Variants in RGPD8 observed in about 807,000 individuals in gnomAD.
The protein encoded by RGPD8 is RANBP2-like and GRIP domain-containing protein 8.
Under a neutral mutation model 89.1 loss-of-function variants are expected in RGPD8, and 15 were observed. The ratio of observed to expected loss-of-function variants is 0.17; its 90% CI spans 0.11 to 0.26. The LOEUF is 0.26. Ranked by LOEUF, RGPD8 falls within the 10% of genes least tolerant of loss-of-function variation. The probability of loss-of-function intolerance (pLI) is 1.00; values close to 1 mark genes in which losing one functional copy is unlikely to be tolerated. For synonymous variants in RGPD8, 62 were observed against 420.9 expected, an observed-to-expected ratio of 0.15 and a Z score of 10.44; for missense variants, 178 against 1,179.6, an observed-to-expected ratio of 0.15 and a Z score of 12.44.
At chr2:112,424,649 G>A (rs1219006276) in intron 1 of RGPD8, among the ~76,000 whole-genome samples, 2 of 151,826 alleles carry the variant, frequency 1.3e-5, no homozygotes, top group Non-Finnish European at 2.9e-5. Context: ...AACCCAGGAG[G>A]TGGAGGTTGC....
chr2:112,402,495 C>CAAGAAAAAAGAAAAGAAAAGAAAAGAA (rs1553503523), intron 9 of RGPD8, among the ~76,000 whole-genome samples: 1 of 147,012 alleles, frequency 6.8e-6, no homozygotes. Flanking sequence ...GTCTCAAAAA[C>CAAGAAAAAAGAAAAGAAAAGAAAAGAA]AAGAAAAGAA....
At chr2:112,428,808 A>G (rs1424372685) in intron 1 of RGPD8, among the ~76,000 whole-genome samples, 1 of 152,124 alleles carries the variant, frequency 6.6e-6, no homozygotes, top group African/African-American at 2.4e-5. Flanking sequence ...AAGTAGTAAC[A>G]CAACATACAA....
At chr2:112,409,587 A>G (rs1404059745) in intron 7 of RGPD8, among the ~76,000 whole-genome samples, 13 of 147,644 alleles carry the variant, frequency 8.8e-5, no homozygotes, top group Admixed American at 4.0e-4. Context: ...ACTTGAAGCC[A>G]GGAGTTCAAG....
At chr2:112,432,890 C>A (rs1300674381) in intron 1 of RGPD8, among the ~76,000 whole-genome samples, 1 of 151,636 alleles carries the variant, frequency 6.6e-6, no homozygotes, top group East Asian at 1.9e-4. Flanking sequence ...CGGCCTCCGC[C>A]TCAACAGAGC....
intron 9 of RGPD8, among the ~76,000 whole-genome samples, chr2:112,402,334 CG>C (rs1380241425): frequency 1.6e-5 from 2 of 125,170 alleles, no homozygotes; most frequent in Admixed American, 1.7e-4. Flanking sequence ...GGTGAAACTC[CG>C]TCTCTACTAA....
At chr2:112,426,247 T>C (rs969270598) in intron 1 of RGPD8, among the ~76,000 whole-genome samples, 3 of 152,220 alleles carry the variant, frequency 2.0e-5, no homozygotes, top group Non-Finnish European at 2.9e-5. Flanking sequence ...TAAAGGTCAC[T>C]TGAACACAAG....
intron 19 of RGPD8, among the ~76,000 whole-genome samples, chr2:112,390,560 A>C (rs1678658890): frequency 7.0e-6 from 1 of 143,398 alleles, no homozygotes; most frequent in South Asian, 2.3e-4. Context: ...TAAGCAGAAG[A>C]GCAAGGGTCT....
At chr2:112,425,864 A>C (rs1477731774) in intron 1 of RGPD8, among the ~76,000 whole-genome samples, 1 of 152,132 alleles carries the variant, frequency 6.6e-6, no homozygotes, top group African/African-American at 2.4e-5. Context: ...GACCCCAGTG[A>C]ATGTCCAAAA....
rs766531431 is a variant in RGPD8 at position 112,417,208 on chromosome 2, C to T, written c.767G>A (p.Arg256Lys). Residue 256 changes from arginine to lysine, a missense_variant, in exon 6 of 23, where the codon AGA becomes AAA. Transcript: ENST00000302558. ...TLSTRDVQEN[R>K]ELLESFDSAL... ...GTCTACGCACCTTTCCAGTAATTCT[C>T]TATTTTCCTGCACATCTCTAGTGGA... 1.2e-6 allele frequency: 2 copies of T among 1,609,734 alleles called. No individual in the cohort carries two copies. The highest frequency in any genetic ancestry group is 3.3e-5 in the Admixed American group (2 of 59,988).
chr2:112,390,353 AATGATGATG>A lies in RGPD8; in HGVS notation c.2698-115_2698-107del. 1.4e-5 allele frequency: 10 copies of A among 731,218 alleles called. 1 individual carries two copies. In the South Asian group the frequency reaches 1.9e-4, roughly 14 times the overall value. The allele number at this position is 731,218 out of a possible 1,614,324, so 45.3% of individuals were successfully genotyped here. A position where few individuals can be genotyped will look rare whatever the true frequency, so the allele number is the denominator to read the frequency against. On this transcript the variant is annotated intron_variant, in intron 19 of 22. Coordinates refer to ENST00000302558, the MANE Select transcript of RGPD8 (RefSeq NM_001164463.1). ...CAATTTATCAAATGATGTTAACAATAATGATGATGATGATGATGATAACATTTATTGAGC... is the reference window on the plus strand; with the variant it reads ...CAATTTATCAAATGATGTTAACAATAATGATGATGATAACATTTATTGAGC...
At chr2:112,390,465 T>C (rs551703532) in intron 19 of RGPD8, among the ~76,000 whole-genome samples, 14 of 140,194 alleles carry the variant, frequency 1.0e-4, no homozygotes, top group East Asian at 9.8e-4. Context: ...AAAAACCCTA[T>C]GAATTAAGGT....
At position 112,433,151 on chromosome 2, in the gene RGPD8, C is replaced by G. The variant is rs575275864; in HGVS notation, c.72+231G>C. Among the ~76,000 whole-genome samples, 13 of 130,930 alleles carry G rather than the reference C, an allele frequency of 9.9e-5. No homozygotes were observed. In the South Asian group the frequency reaches 2.2e-3, roughly 22 times the overall value. 85.9% of individuals were successfully genotyped at this position (130,930 alleles called of 152,430 possible). A position where few individuals can be genotyped will look rare whatever the true frequency, so the allele number is the denominator to read the frequency against. On this transcript the variant is annotated intron_variant, in intron 1 of 22. Coordinates refer to ENST00000302558, the MANE Select transcript of RGPD8 (RefSeq NM_001164463.1). ...GGCCGCCGCCGGGCCGGGTCGAGGCCGCCGCCTCAACAGAGCGCGCCAGGG... is the reference window on the plus strand; with the variant it reads ...GGCCGCCGCCGGGCCGGGTCGAGGCGGCCGCCTCAACAGAGCGCGCCAGGG...
chr2:112,423,535 C>T (rs1679627848), intron 2 of RGPD8, among the ~76,000 whole-genome samples: 1 of 120,082 alleles, frequency 8.3e-6, no homozygotes, highest in East Asian at 2.3e-4. Flanking sequence ...CCTGTCTCTA[C>T]CAAAAAATGC....
intron 1 of RGPD8, among the ~76,000 whole-genome samples, chr2:112,431,936 G>T (rs974517558): frequency 1.3e-5 from 2 of 152,172 alleles, no homozygotes; most frequent in African/African-American, 4.8e-5. Flanking sequence ...CACTGCGCCC[G>T]GCCAATATCC....
chr2:112,377,528 C>T (rs1301868982), intron 22 of RGPD8, among the ~76,000 whole-genome samples: 2 of 92,488 alleles, frequency 2.2e-5, no homozygotes, highest in African/African-American at 7.2e-5. Flanking sequence ...CCGCCTGCCT[C>T]GGCCTCCCAA....
chr2:112,411,206 A>T (rs1357281018), intron 7 of RGPD8, among the ~76,000 whole-genome samples: 1 of 151,996 alleles, frequency 6.6e-6, no homozygotes, highest in Non-Finnish European at 1.5e-5. Context: ...AGCCTGGTTT[A>T]ATGTTTTTTT....
chr2:112,419,416 AC>A (rs1158670253), intron 4 of RGPD8, among the ~76,000 whole-genome samples: 13 of 129,600 alleles, frequency 1.0e-4, no homozygotes, highest in Non-Finnish European at 1.1e-4. Flanking sequence ...TTTTTTAAAA[AC>A]CACTATGAGT....
rs1297955715 is a variant in RGPD8, at chr2:112,409,838, G to A, written c.978+2593C>T. On this transcript the variant is annotated intron_variant, in intron 7 of 22. Transcript: ENST00000302558. ...CATATCAAAAAATTTTAGGCTGTGC[G>A]CAGCAGCTCACACCTATAATCCCAG... is the stretch of plus-strand genomic sequence containing the variant. 2.0e-4 allele frequency among the ~76,000 whole-genome samples: 28 copies of A among 140,646 alleles called. 1 individual carries two copies. The highest frequency in any genetic ancestry group is 2.3e-4 in the Non-Finnish European group (15 of 66,070). The allele number at this position is 140,646 out of a possible 152,430, so 92.3% of individuals were successfully genotyped here.
chr2:112,433,257 C>A (rs1450003517), intron 1 of RGPD8, 125 bp downstream of exon 1: 25 of 972,400 alleles, frequency 2.6e-5, no homozygotes, highest in African/African-American at 3.7e-5. Flanking sequence ...CTCAACAGAG[C>A]GCGCCAGGGA....
Sources: allele counts gnomAD v4.1 joint callset (sites outside exome capture counted in the v4.1 genomes callset), GRCh38; gene constraint gnomAD v4.1.1; transcripts MANE v1.5; gene names NCBI Gene and HGNC (gene_info 2026-07-23, HGNC 2026-07-21).